STX2: variants seen among roughly 807,000 people sequenced by gnomAD.
The protein encoded by STX2 is syntaxin 2.
A neutral mutation model predicts 40.6 loss-of-function variants in STX2; 27 were observed. The ratio of observed to expected loss-of-function variants is 0.66; its 90% CI spans 0.49 to 0.92. The LOEUF (loss-of-function observed/expected upper bound fraction) is 0.92, where lower values mean the gene tolerates loss of function less well. STX2 is among the 40% of genes least tolerant of loss of function. The pLI, the probability that STX2 is intolerant of heterozygous loss-of-function variation, is 0.00. For missense variants in STX2, 328 were observed against 366.1 expected (o/e 0.90, Z 0.85); for synonymous variants, 123 against 119.1 (o/e 1.03, Z -0.22).
intron 1 of STX2, among the ~76,000 whole-genome samples, chr12:130,834,665 T>C (rs1359437586): frequency 6.6e-6 from 1 of 152,218 alleles, no homozygotes; most frequent in Non-Finnish European, 1.5e-5. Flanking sequence ...TGTTTAGATA[T>C]ACAAATGAGT....
chr12:130,801,337 G>A (rs780548983), intron 7 of STX2, 47 bp from the exon 8 acceptor site: 2 of 1,595,228 alleles, frequency 1.3e-6, no homozygotes, highest in Non-Finnish European at 1.7e-6. Context: ...CTTATGATGG[G>A]TTTGGAAGTT....
At chr12:130,818,809 AGGCTGAC>A (rs1439605050) in intron 3 of STX2, among the ~76,000 whole-genome samples, 7 of 152,172 alleles carry the variant, frequency 4.6e-5, no homozygotes, top group Non-Finnish European at 7.3e-5. Flanking sequence ...GGTGCAAGCC[AGGCTGAC>A]GGCTGACTGC....
At chr12:130,802,896 A>G (rs1951285757) in intron 6 of STX2, among the ~76,000 whole-genome samples, 1 of 152,228 alleles carries the variant, frequency 6.6e-6, no homozygotes, top group South Asian at 2.1e-4. Context: ...GAAACATCCA[A>G]AATGGGAAAA....
chr12:130,808,935 C>T (rs1951543396), intron 4 of STX2, among the ~76,000 whole-genome samples: 2 of 152,226 alleles, frequency 1.3e-5, no homozygotes, highest in South Asian at 2.1e-4. Flanking sequence ...GGCACAATCT[C>T]GTCTCACTGC....
chr12:130,813,023 CTTTT>C lies in STX2; in HGVS notation c.210_213del (p.Ile70MetfsTer7). ...TCTTTGTTCAGATCTTCAAGCTCTT[CTTTT>C]ATTTCTATAAAAATTTAAAATTAAA... On this transcript the variant is annotated frameshift_variant, in exon 4 of 11. Transcript: ENST00000392373. LOFTEE classifies it high-confidence loss of function. The C allele has an allele frequency of 6.6e-7, 1 of 1,509,960 alleles. No homozygotes were observed. Among genetic ancestry groups the C allele is most frequent in the Non-Finnish European group, 8.8e-7 (1 of 1,132,406 alleles). 93.5% of individuals were successfully genotyped at this position (1,509,960 alleles called of 1,614,324 possible).
Position 130,820,151 on chromosome 12 carries a change from C to T in STX2, c.205+1538G>A, listed in dbSNP as rs1340752299. Among the ~76,000 whole-genome samples the T allele has an allele frequency of 2.0e-5, 3 of 152,098 alleles. No individual in the cohort carries two copies. The East Asian group carries it at 5.8e-4, about 29-fold the overall frequency. On this transcript the variant is annotated intron_variant, in intron 3 of 10. Coordinates refer to ENST00000392373, the MANE Select transcript of STX2 (RefSeq NM_194356.4). The stretch of plus-strand genomic sequence containing the variant: ...ATCACCACTTCTATTCAATACTGTA[C>T]TGGAGGTCAGCTAAATAAATCAGTT...
intron 4 of STX2, chr12:130,812,117 T>C: frequency 4.1e-6 from 1 of 242,794 alleles, no homozygotes; most frequent in Non-Finnish European, 8.2e-6. Context: ...AGGGAGAATC[T>C]CATTTTTAAA....
chr12:130,817,118 A>C (rs77064267), intron 3 of STX2, among the ~76,000 whole-genome samples: 1 of 152,142 alleles, frequency 6.6e-6, no homozygotes, highest in Non-Finnish European at 1.5e-5. Context: ...AAAAAAAAAA[A>C]CACATGAATG....
chr12:130,821,042 TC>T (rs1952092375), intron 3 of STX2, among the ~76,000 whole-genome samples: 2 of 152,124 alleles, frequency 1.3e-5, no homozygotes, highest in Admixed American at 1.3e-4. Flanking sequence ...TCATGTCTTT[TC>T]TCCCAATGAG....
intron 2 of STX2, 83 bp downstream of exon 2, chr12:130,827,110 G>A (rs1447480689): frequency 3.5e-6 from 2 of 578,550 alleles, no homozygotes; most frequent in Non-Finnish European, 6.1e-6. Context: ...AAGGGAGAGG[G>A]AGGGAAGAAA....
chr12:130,838,851 C>A (rs1952826857), intron 1 of STX2, among the ~76,000 whole-genome samples: 1 of 151,824 alleles, frequency 6.6e-6, no homozygotes, highest in African/African-American at 2.4e-5. Context: ...CGCCCGGAGC[C>A]CCCACCCTAG....
In STX2 at chr12:130,795,392, T is replaced by A. The variant is rs558998896; in HGVS notation, c.*45+603A>T. ...AACTGAGAATTAATCTTCACTGAATTTCTATGACATTTAATGAAGGATCCA... is the reference window on the plus strand; with the variant it reads ...AACTGAGAATTAATCTTCACTGAATATCTATGACATTTAATGAAGGATCCA... On this transcript the variant is annotated intron_variant, in intron 10 of 10. Transcript: ENST00000392373. Among the ~76,000 whole-genome samples, 67 of 152,256 alleles carry A rather than the reference T, an allele frequency of 4.4e-4. 1 individual carries two copies. In the Middle Eastern group the frequency reaches 0.01, roughly 23 times the overall value.
At position 130,790,634 on chromosome 12, in the gene STX2, T is replaced by C. The variant is rs1257604162; in HGVS notation, c.*1389A>G. The C allele has an allele frequency of 1.3e-5, 2 of 152,252 alleles. No homozygotes were observed. The highest frequency in any genetic ancestry group is 1.5e-5 in the Non-Finnish European group (1 of 68,046). 9.4% of individuals were successfully genotyped at this position (152,252 alleles called of 1,614,324 possible). A position where few individuals can be genotyped will look rare whatever the true frequency, so the allele number is the denominator to read the frequency against. On this transcript the variant is annotated 3_prime_UTR_variant, in exon 11 of 11. Coordinates refer to ENST00000392373, the MANE Select transcript of STX2 (RefSeq NM_194356.4). ...AACATTAGGTACTTAACAACATGTA[T>C]GTGGATCTGTACAATAGTTTAAATT...
chr12:130,818,185 A>AAAAAAAAAAAAAAATACATATATAT, intron 3 of STX2, among the ~76,000 whole-genome samples: 1 of 70,546 alleles, frequency 1.4e-5, no homozygotes, highest in African/African-American at 1.2e-4. Flanking sequence ...AAAAAAAAAA[A>AAAAAAAAAAAAAAATACATATATAT]ATATATATAT....
intron 4 of STX2, among the ~76,000 whole-genome samples, chr12:130,809,180 A>G (rs565849169): frequency 5.9e-5 from 9 of 152,328 alleles, no homozygotes; most frequent in Admixed American, 5.9e-4. Context: ...TCAAGAGGAA[A>G]CATGTATATG....
intron 3 of STX2, among the ~76,000 whole-genome samples, chr12:130,818,188 ATATATATAT>A (rs1565924669): frequency 0.014 from 905 of 66,224 alleles, 19 homozygotes; most frequent in South Asian, 0.021. Context: ...AAAAAAAAAT[ATATATATAT>A]ATATATATAT....
chr12:130,803,472 C>T (rs1951302720), intron 6 of STX2, among the ~76,000 whole-genome samples: 1 of 151,952 alleles, frequency 6.6e-6, no homozygotes, highest in Non-Finnish European at 1.5e-5. Flanking sequence ...CTAGAAATTT[C>T]AGCTTGGGCA....
At position 130,796,082 on chromosome 12, in the gene STX2, A is replaced by C; in HGVS notation, c.825T>G (p.Val275=). The C allele has an allele frequency of 6.2e-7, 1 of 1,614,226 alleles. No individual in the cohort carries two copies. Among genetic ancestry groups the C allele is most frequent in the Non-Finnish European group, 8.5e-7 (1 of 1,180,036 alleles). Residue 275 remains valine (V), a synonymous_variant, in exon 10 of 11, where the codon GTT becomes GTG. Transcript: ENST00000392373. ...AGCCAATAATTAGAGCGATTATGGC[A>C]ACCAGAACCACTGACACAGCAATAA... ...WIIIAVSVVL[V]AIIALIIGLS...
chr12:130,812,169 C>T (rs1208075115), intron 4 of STX2: 1 of 242,484 alleles, frequency 4.1e-6, no homozygotes, highest in Non-Finnish European at 8.3e-6. Context: ...TTCAAGCAAA[C>T]TGTTTAAAAA....
Sources: gnomAD v4.1 joint callset for allele counts (sites outside exome capture counted in the v4.1 genomes callset) on GRCh38, gnomAD v4.1.1 for gene constraint, MANE v1.5 for transcripts, NCBI Gene and HGNC (gene_info 2026-07-23, HGNC 2026-07-21) for gene names.